Variants in DRC8 observed in about 807,000 individuals in gnomAD.
The protein encoded by DRC8 is dynein regulatory complex protein 8.
chr1:245,048,565 C>T, the DRC8 span, among the ~76,000 whole-genome samples: 3 of 151,710 alleles, frequency 2.0e-5, no homozygotes, highest in Non-Finnish European at 2.9e-5. Flanking sequence ...AACTTCTAAA[C>T]GGTAAGAGTG....
the DRC8 span, chr1:245,017,214 T>C: frequency 6.3e-7 from 1 of 1,578,324 alleles, no homozygotes; most frequent in Non-Finnish European, 8.6e-7. Context: ...TAAAGTAAAC[T>C]AATTTTTATT....
chr1:244,978,531 C>T, the DRC8 span, among the ~76,000 whole-genome samples: 1 of 152,124 alleles, frequency 6.6e-6, no homozygotes, highest in African/African-American at 2.4e-5. Flanking sequence ...ACTCTGTCAC[C>T]CTGGCTGGGG....
chr1:245,075,036 CTTG>C, the DRC8 span, among the ~76,000 whole-genome samples: 1 of 152,106 alleles, frequency 6.6e-6, no homozygotes, highest in Non-Finnish European at 1.5e-5. Context: ...CTGACATTAT[CTTG>C]TTTTTTGTGA....
At chr1:245,057,009 A>G in the DRC8 span, among the ~76,000 whole-genome samples, 1 of 152,158 alleles carries the variant, frequency 6.6e-6, no homozygotes, top group African/African-American at 2.4e-5. Flanking sequence ...GAACCATCTG[A>G]GAATCAGCTC....
the DRC8 span, among the ~76,000 whole-genome samples, chr1:244,975,395 C>T: frequency 6.6e-6 from 1 of 152,172 alleles, no homozygotes; most frequent in Non-Finnish European, 1.5e-5. Context: ...ATTTGAATTC[C>T]GTCTTCCCCA....
chr1:245,082,051 A>G, the DRC8 span: 5 of 1,537,224 alleles, frequency 3.3e-6, no homozygotes, highest in Non-Finnish European at 4.5e-6. Flanking sequence ...TTGTTGAATG[A>G]CTAAATGGCT....
the DRC8 span, among the ~76,000 whole-genome samples, chr1:245,055,659 G>A: frequency 6.6e-6 from 1 of 152,106 alleles, no homozygotes; most frequent in Non-Finnish European, 1.5e-5. Flanking sequence ...AGTGATTGAT[G>A]CAGTCCTCGA....
At chr1:245,106,049 C>A in the DRC8 span, among the ~76,000 whole-genome samples, 54 of 152,200 alleles carry the variant, frequency 3.5e-4, 2 homozygotes, top group Non-Finnish European at 4.4e-5. Context: ...GACAACAGAG[C>A]AAGACCCTGT....
the DRC8 span, chr1:245,123,575 G>T: frequency 6.5e-6 from 1 of 154,124 alleles, no homozygotes; most frequent in South Asian, 2.0e-4. The surrounding 1 kb of genome is among the most constrained non-coding windows in gnomAD (Gnocchi z 5.0). Flanking sequence ...CTGCTCAGTT[G>T]AAAGTCGAAG....
At chr1:245,100,461 G>T in the DRC8 span, among the ~76,000 whole-genome samples, 1 of 150,590 alleles carries the variant, frequency 6.6e-6, no homozygotes, top group East Asian at 2.0e-4. Context: ...CAGTTTTCCC[G>T]TAAATGAATA....
the DRC8 span, among the ~76,000 whole-genome samples, chr1:245,104,470 C>T: frequency 2.0e-5 from 3 of 150,202 alleles, no homozygotes; most frequent in Admixed American, 6.6e-5. Context: ...CGCCACTGCA[C>T]TCCAGCCTGG....
At chr1:245,007,270 G>A in the DRC8 span, among the ~76,000 whole-genome samples, 2 of 152,148 alleles carry the variant, frequency 1.3e-5, no homozygotes, top group East Asian at 3.8e-4. Context: ...GGGAAGGATG[G>A]AGGACTGTTT....
At chr1:245,001,613 TCC>T in the DRC8 span, among the ~76,000 whole-genome samples, 1 of 152,186 alleles carries the variant, frequency 6.6e-6, no homozygotes, top group Non-Finnish European at 1.5e-5. Context: ...TGTGTCTTGC[TCC>T]TGATCCTTGA....
chr1:245,034,860 GTT>G, the DRC8 span, among the ~76,000 whole-genome samples: 468 of 136,294 alleles, frequency 3.4e-3, 2 homozygotes, highest in African/African-American at 5.7e-3. Flanking sequence ...ATAAATGAAA[GTT>G]TTTTTTTTTT....
the DRC8 span, among the ~76,000 whole-genome samples, chr1:245,117,785 G>A: frequency 1.3e-5 from 2 of 152,030 alleles, no homozygotes; most frequent in Admixed American, 6.6e-5. Context: ...CCTGGCCAAC[G>A]TGGCAAAACC....
At chr1:245,055,627 T>G in the DRC8 span, among the ~76,000 whole-genome samples, 1 of 152,010 alleles carries the variant, frequency 6.6e-6, no homozygotes. Context: ...CTGGCCTGTT[T>G]CTCCTTCTAT....
chr1:244,976,800 C>T, the DRC8 span, among the ~76,000 whole-genome samples: 1 of 152,130 alleles, frequency 6.6e-6, no homozygotes, highest in South Asian at 2.1e-4. Flanking sequence ...TATATATCCA[C>T]AGTAATTGAA....
chr1:245,059,465 A>G, the DRC8 span: 4 of 1,610,502 alleles, frequency 2.5e-6, no homozygotes. Context: ...AGAGGTGAGT[A>G]CGGCGAAAAG....
chr1:245,079,569 A>G, the DRC8 span, among the ~76,000 whole-genome samples: 1 of 151,930 alleles, frequency 6.6e-6, no homozygotes, highest in South Asian at 2.1e-4. Flanking sequence ...GAGTTCTTCC[A>G]CGATGGAGAC....
Sources: gnomAD v4.1 joint callset for allele counts (sites outside exome capture counted in the v4.1 genomes callset) on GRCh38, gnomAD v4.1.1 for gene constraint, Gnocchi (gnomAD v3.1) non-coding constraint, MANE v1.5 for transcripts, NCBI Gene and HGNC (gene_info 2026-07-23, HGNC 2026-07-21) for gene names.